The following ST6GALNAC3 variants were observed in gnomAD, a reference collection of about 807,000 sequenced individuals.
The protein encoded by ST6GALNAC3 is alpha-N-acetylgalactosaminide alpha-2,6-sialyltransferase 3.
ST6GALNAC3 carries 25 observed loss-of-function variants against 32.7 expected under a neutral mutation model. That is an observed-to-expected ratio of 0.76 (90% CI 0.56 to 1.07). The LOEUF (loss-of-function observed/expected upper bound fraction) is 1.07. ST6GALNAC3 is among the 50% of genes least tolerant of loss of function. The pLI is 0.00. For synonymous variants in ST6GALNAC3, 129 were observed against 133.1 expected, an observed-to-expected ratio of 0.97 and a Z score of 0.21; for missense variants, 355 against 382.4, an observed-to-expected ratio of 0.93 and a Z score of 0.60.
At chr1:76,128,323 G>C (rs1557639268) in intron 1 of ST6GALNAC3, among the ~76,000 whole-genome samples, 1 of 152,188 alleles carries the variant, frequency 6.6e-6, no homozygotes, top group African/African-American at 2.4e-5. Context: ...TACTGCAGGA[G>C]AACACCCCGT....
chr1:76,533,117 A>C (rs57873240), intron 3 of ST6GALNAC3, among the ~76,000 whole-genome samples: 1 of 151,974 alleles, frequency 6.6e-6, no homozygotes, highest in Non-Finnish European at 1.5e-5. Context: ...TATGCAAGTC[A>C]TTATTTAAAA....
chr1:76,321,686 C>T (rs887304105), intron 2 of ST6GALNAC3, among the ~76,000 whole-genome samples: 12 of 152,120 alleles, frequency 7.9e-5, no homozygotes, highest in Admixed American at 2.0e-4. Context: ...AAGGGGTGAA[C>T]GCTGTCTATC....
At chr1:76,521,956 C>G (rs748104092) in intron 3 of ST6GALNAC3, among the ~76,000 whole-genome samples, 1 of 151,986 alleles carries the variant, frequency 6.6e-6, no homozygotes, top group Non-Finnish European at 1.5e-5. Flanking sequence ...GTAGTCCCAG[C>G]TACTCGGGAG....
chr1:76,500,724 C>T (rs1412317040), intron 3 of ST6GALNAC3, among the ~76,000 whole-genome samples: 2 of 152,110 alleles, frequency 1.3e-5, no homozygotes, highest in Admixed American at 6.6e-5. Flanking sequence ...GAAAGCTTCT[C>T]ATAATCTCAG....
In ST6GALNAC3 at chr1:76,571,638, C is replaced by T. The variant is rs1234181028; in HGVS notation, c.624-55814C>T. Among the ~76,000 whole-genome samples the T allele has an allele frequency of 2.6e-5, 4 of 152,152 alleles. No homozygotes were observed. The East Asian group carries it at 7.7e-4, about 29-fold the overall frequency. On this transcript the variant is annotated intron_variant, in intron 3 of 4. Transcript: ENST00000328299. ...CCTGGATCAAATAATTGAAGAATAA[C>T]TAGGATTATGAATGGGAAAGAAAGG...
chr1:76,492,600 G>A (rs1379638347), intron 3 of ST6GALNAC3, among the ~76,000 whole-genome samples: 1 of 152,090 alleles, frequency 6.6e-6, no homozygotes, highest in Admixed American at 6.6e-5. Context: ...CAACCCCCAT[G>A]TTGTAACATC....
intron 3 of ST6GALNAC3, among the ~76,000 whole-genome samples, chr1:76,487,567 T>G (rs1660207352): frequency 6.6e-6 from 1 of 152,228 alleles, no homozygotes; most frequent in African/African-American, 2.4e-5. Context: ...GCCATGGTTT[T>G]CAGCTCCATC....
At chr1:76,221,743 T>A (rs973184530) in intron 1 of ST6GALNAC3, among the ~76,000 whole-genome samples, 1 of 152,158 alleles carries the variant, frequency 6.6e-6, no homozygotes, top group African/African-American at 2.4e-5. Flanking sequence ...CTCAAGAATA[T>A]AAACATTGAA....
At chr1:76,570,586 T>C (rs558123628) in intron 3 of ST6GALNAC3, among the ~76,000 whole-genome samples, 1 of 152,252 alleles carries the variant, frequency 6.6e-6, no homozygotes. Context: ...TACTTCTAAC[T>C]CAAACAGTTG....
chr1:76,482,139 T>TAC (rs368648490), intron 3 of ST6GALNAC3, among the ~76,000 whole-genome samples: 5,737 of 147,062 alleles, frequency 0.039, 230 homozygotes, highest in African/African-American at 0.11. Context: ...AAATTTTCTT[T>TAC]ACACACACAC....
At chr1:76,125,610 A>G (rs1450630163) in intron 1 of ST6GALNAC3, among the ~76,000 whole-genome samples, 3 of 152,178 alleles carry the variant, frequency 2.0e-5, no homozygotes, top group Non-Finnish European at 2.9e-5. Context: ...CTGTTTTAGT[A>G]TCTAGAATAC....
At chr1:76,338,927 T>C (rs1400200067) in intron 2 of ST6GALNAC3, among the ~76,000 whole-genome samples, 2 of 152,216 alleles carry the variant, frequency 1.3e-5, no homozygotes, top group Non-Finnish European at 1.5e-5. Context: ...GATGAGTGTA[T>C]AGTAGGAGAG....
At chr1:76,209,676 C>T (rs1425204184) in intron 1 of ST6GALNAC3, among the ~76,000 whole-genome samples, 1 of 152,200 alleles carries the variant, frequency 6.6e-6, no homozygotes. Flanking sequence ...ACTCCCCCAA[C>T]AGTTGTTTAA....
intron 2 of ST6GALNAC3, among the ~76,000 whole-genome samples, chr1:76,343,396 G>A (rs1249875916): frequency 3.3e-5 from 5 of 152,170 alleles, no homozygotes; most frequent in African/African-American, 9.7e-5. Flanking sequence ...AAGAGGAAAA[G>A]AAAGGAAGGC....
chr1:76,615,625 T>C (rs1648243220), intron 3 of ST6GALNAC3, among the ~76,000 whole-genome samples: 2 of 152,330 alleles, frequency 1.3e-5, no homozygotes, highest in South Asian at 4.1e-4. Context: ...ATTTCCTTTT[T>C]TGACATTCTG....
chr1:76,482,680 G>A (rs1203595945), intron 3 of ST6GALNAC3, among the ~76,000 whole-genome samples: 4 of 152,026 alleles, frequency 2.6e-5, no homozygotes, highest in Non-Finnish European at 5.9e-5. Flanking sequence ...AGACTCCCAA[G>A]CCTCTGTTCT....
At chr1:76,434,714 A>T (rs1384651259) in intron 3 of ST6GALNAC3, among the ~76,000 whole-genome samples, 1 of 149,762 alleles carries the variant, frequency 6.7e-6, no homozygotes, top group Non-Finnish European at 1.5e-5. Flanking sequence ...CAATTAGCTG[A>T]TATTTGTATG....
intron 2 of ST6GALNAC3, among the ~76,000 whole-genome samples, chr1:76,394,260 G>T (rs1652777955): frequency 6.6e-6 from 1 of 152,166 alleles, no homozygotes; most frequent in Non-Finnish European, 1.5e-5. Flanking sequence ...TTTTATTCTA[G>T]CATGCTGCTA....
chr1:76,401,548 CT>C, intron 2 of ST6GALNAC3, among the ~76,000 whole-genome samples: 1 of 151,898 alleles, frequency 6.6e-6, no homozygotes, highest in East Asian at 1.9e-4. Context: ...CTTTTTATAT[CT>C]GAAGTTTTTA....
Sources: gnomAD v4.1 joint callset for allele counts (sites outside exome capture counted in the v4.1 genomes callset) on GRCh38, gnomAD v4.1.1 for gene constraint, MANE v1.5 for transcripts, NCBI Gene and HGNC (gene_info 2026-07-23, HGNC 2026-07-21) for gene names.